Variants in EPB41L4A observed in about 807,000 individuals in gnomAD.
The protein encoded by EPB41L4A is erythrocyte membrane protein band 4.1 like 4A.
Under a neutral mutation model 108.6 loss-of-function variants are expected in EPB41L4A, and 100 were observed. The observed-to-expected ratio is 0.92, with a 90% confidence interval of 0.78 to 1.09. EPB41L4A has a LOEUF of 1.09. Ranked by LOEUF, EPB41L4A falls within the 50% of genes least tolerant of loss-of-function variation. EPB41L4A has a pLI of 0.00. For missense variants in EPB41L4A, 1,030 were observed against 842.7 expected (o/e 1.22, Z -2.75); for synonymous variants, 319 against 289.0 (o/e 1.10, Z -1.05).
At chr5:112,240,617 G>T in intron 10 of EPB41L4A, 102 bp downstream of exon 10, 1 of 632,582 alleles carries the variant, frequency 1.6e-6, no homozygotes, top group South Asian at 2.3e-5. Context: ...TTAATAAAAG[G>T]GAAACAATTC....
chr5:112,292,222 TTGAA>T (rs898871569), intron 2 of EPB41L4A, among the ~76,000 whole-genome samples: 11 of 152,314 alleles, frequency 7.2e-5, no homozygotes, highest in African/African-American at 2.6e-4. Flanking sequence ...TGCTATGTGA[TTGAA>T]TGGAGATGAG....
intron 12 of EPB41L4A, among the ~76,000 whole-genome samples, chr5:112,150,690 G>T (rs1234109463): frequency 6.6e-6 from 1 of 152,112 alleles, no homozygotes; most frequent in Non-Finnish European, 1.5e-5. Flanking sequence ...AGAAAAGACA[G>T]ATTATTTGGC....
chr5:112,198,090 G>C (rs1247439430), intron 15 of EPB41L4A, among the ~76,000 whole-genome samples: 1 of 151,844 alleles, frequency 6.6e-6, no homozygotes, highest in African/African-American at 2.4e-5. Flanking sequence ...CTGGAGTACA[G>C]TGGTGCGATC....
At chr5:112,216,677 A>G (rs2150326388) in intron 12 of EPB41L4A, among the ~76,000 whole-genome samples, 1 of 152,338 alleles carries the variant, frequency 6.6e-6, no homozygotes, top group East Asian at 1.9e-4. Flanking sequence ...ACAGTAAGTT[A>G]TTAGGTTTCA....
chr5:112,240,568 T>C, intron 10 of EPB41L4A, 151 bp downstream of exon 10: 5 of 550,018 alleles, frequency 9.1e-6, no homozygotes, highest in South Asian at 2.6e-5. Flanking sequence ...GTGTGCATGT[T>C]TGTATTAATA....
chr5:112,321,174 G>A (rs1755750183), intron 1 of EPB41L4A, among the ~76,000 whole-genome samples: 1 of 152,306 alleles, frequency 6.6e-6, no homozygotes, highest in South Asian at 2.1e-4. Context: ...AACACGACAA[G>A]AGTCAGAGAA....
Position 112,408,064 on chromosome 5 carries a change from T to C in EPB41L4A, c.99+10877A>G, listed in dbSNP as rs531303623. Among the ~76,000 whole-genome samples, 17 of 152,360 alleles carry C rather than the reference T, an allele frequency of 1.1e-4. 1 individual carries two copies. The East Asian group carries it at 1.9e-3, about 17-fold the overall frequency. ...AACAAGATGCATAAAGATAGTCATG[T>C]AGATCAATGGGATAGAATTCAGAGC... On this transcript the variant is annotated intron_variant, in intron 1 of 22. Transcript: ENST00000261486.
At position 112,264,887 on chromosome 5, in the gene EPB41L4A, G is replaced by T. The variant is rs1031080962; in HGVS notation, c.554+9C>A. 8.7e-6 allele frequency: 14 copies of T among 1,607,302 alleles called. No homozygotes were observed. The Admixed American group carries it at 1.2e-4, about 14-fold the overall frequency. On this transcript the variant is annotated intron_variant, in intron 6 of 22. Transcript: ENST00000261486. ...ATGATGCAATAAGACATGGTGTAAT[G>T]ATTCTTACATTAGAGTTTTATGAAT...
chr5:112,177,704 T>C (rs1476709480), intron 18 of EPB41L4A, among the ~76,000 whole-genome samples: 2 of 151,268 alleles, frequency 1.3e-5, no homozygotes, highest in African/African-American at 4.9e-5. Context: ...GAGCTATATT[T>C]TTCCAATGTT....
intron 1 of EPB41L4A, among the ~76,000 whole-genome samples, chr5:112,377,877 A>C (rs1759917476): frequency 6.6e-6 from 1 of 152,112 alleles, no homozygotes; most frequent in South Asian, 2.1e-4. Flanking sequence ...CTAACCCCCC[A>C]TCTTTTACAT....
At chr5:112,299,293 T>C (rs1280475954) in intron 2 of EPB41L4A, among the ~76,000 whole-genome samples, 1 of 152,224 alleles carries the variant, frequency 6.6e-6, no homozygotes, top group Non-Finnish European at 1.5e-5. Flanking sequence ...GGCTATGAAC[T>C]TTCCTCTTAG....
At chr5:112,142,744 T>G (rs1040836673) in exon 14 of EPB41L4A, 1 of 152,228 alleles carries the variant, frequency 6.6e-6, no homozygotes, top group East Asian at 1.9e-4. Flanking sequence ...CTTTATGACC[T>G]TGAGTAAGTT....
rs186139924 is a variant in EPB41L4A at position 112,396,905 on chromosome 5, G to A, written c.99+22036C>T. Among the ~76,000 whole-genome samples, 7 of 152,296 alleles carry A rather than the reference G, an allele frequency of 4.6e-5. No homozygotes were observed. In the East Asian group the frequency reaches 1.2e-3, roughly 25 times the overall value. Reference sequence around the variant, plus strand: ...TTTAAGCTGCAATGACCAACATGGTGCAAGTAATATGATTTTTCTTTTCTT... The same window carrying A: ...TTTAAGCTGCAATGACCAACATGGTACAAGTAATATGATTTTTCTTTTCTT... On this transcript the variant is annotated intron_variant, in intron 1 of 22. Coordinates refer to ENST00000261486, the MANE Select transcript of EPB41L4A (RefSeq NM_022140.5).
At chr5:112,363,871 C>G (rs1431690828) in intron 1 of EPB41L4A, among the ~76,000 whole-genome samples, 1 of 152,148 alleles carries the variant, frequency 6.6e-6, no homozygotes, top group Non-Finnish European at 1.5e-5. Context: ...ACACTGAAAC[C>G]ATTCATGCCA....
chr5:112,373,400 G>C (rs1279590730), intron 1 of EPB41L4A, among the ~76,000 whole-genome samples: 1 of 152,104 alleles, frequency 6.6e-6, no homozygotes, highest in Non-Finnish European at 1.5e-5. Flanking sequence ...AGCTCCTCTG[G>C]TATGGTTTCC....
intron 1 of EPB41L4A, among the ~76,000 whole-genome samples, chr5:112,323,852 A>C (rs1487695410): frequency 1.3e-5 from 2 of 152,218 alleles, no homozygotes; most frequent in Admixed American, 1.3e-4. Flanking sequence ...CAGTGGATTT[A>C]TAGAGGAAAA....
At chr5:112,392,402 A>C (rs1314505382) in intron 1 of EPB41L4A, among the ~76,000 whole-genome samples, 1 of 48,284 alleles carries the variant, frequency 2.1e-5, no homozygotes, top group Non-Finnish European at 5.0e-5. Flanking sequence ...AATGGAAAGC[A>C]AAAAAAAAAA....
chr5:112,335,866 G>A (rs1218140851), intron 1 of EPB41L4A, among the ~76,000 whole-genome samples: 1 of 152,066 alleles, frequency 6.6e-6, no homozygotes, highest in Admixed American at 6.5e-5. Context: ...ATCACAGCTG[G>A]TGTTTCTCTC....
At chr5:112,231,689 G>A (rs1748947394) in intron 12 of EPB41L4A, among the ~76,000 whole-genome samples, 1 of 149,600 alleles carries the variant, frequency 6.7e-6, no homozygotes, top group Non-Finnish European at 1.5e-5. Context: ...GGAGGCTGAG[G>A]CAGGAGAATG....
Sources: allele counts gnomAD v4.1 joint callset (sites outside exome capture counted in the v4.1 genomes callset), GRCh38; gene constraint gnomAD v4.1.1; transcripts MANE v1.5; gene names NCBI Gene and HGNC (gene_info 2026-07-23, HGNC 2026-07-21).